Variants in CEP63 observed in about 807,000 individuals in gnomAD.
CEP63 encodes the protein centrosomal protein of 63 kDa.
Under a neutral mutation model 89.1 loss-of-function variants are expected in CEP63, and 84 were observed. The observed-to-expected ratio is 0.94, with a 90% CI of 0.79 to 1.13. The LOEUF is 1.13. CEP63 is among the 50% of genes most tolerant of loss of function. The pLI, the probability that CEP63 is intolerant of heterozygous loss-of-function variation, is 0.00. For missense variants in CEP63, 838 were observed against 813.3 expected, an observed-to-expected ratio of 1.03 and a Z score of -0.37; for synonymous variants, 267 against 272.5, an observed-to-expected ratio of 0.98 and a Z score of 0.20.
At chr3:134,548,997 G>T in intron 9 of CEP63, 65 bp from the exon 10 acceptor site, 1 of 925,278 alleles carries the variant, frequency 1.1e-6, no homozygotes, top group South Asian at 1.3e-5. Flanking sequence ...ATGTAAATTA[G>T]ATAGTCCAAT....
chr3:134,721,402 A>G, the CEP63 span, among the ~76,000 whole-genome samples: 6 of 152,062 alleles, frequency 3.9e-5, no homozygotes, highest in African/African-American at 1.4e-4. Flanking sequence ...TGTGTACAGG[A>G]TGATGTAATC....
the CEP63 span, among the ~76,000 whole-genome samples, chr3:134,717,816 A>G: frequency 4.6e-5 from 7 of 152,178 alleles, no homozygotes; most frequent in African/African-American, 1.7e-4. Context: ...ATGATCTAAG[A>G]TTTGACTCTC....
chr3:134,610,390 G>T, the CEP63 span: 1 of 1,608,748 alleles, frequency 6.2e-7, no homozygotes, highest in Non-Finnish European at 8.5e-7. Context: ...GAGCCTGGGG[G>T]CAGGACAGGG....
rs569515963 is a variant in CEP63 at position 134,506,350 on chromosome 3, A to G, written c.45-759A>G. Among the ~76,000 whole-genome samples, 6 of 152,284 alleles carry G rather than the reference A, an allele frequency of 3.9e-5. 1 individual carries two copies. Among genetic ancestry groups the G allele is most frequent in the African/African-American group, 1.4e-4 (6 of 41,562 alleles). On this transcript the variant is annotated intron_variant, in intron 2 of 14. Transcript: ENST00000675561. ...TGAATTTCTTGAAGCAGCTCTTACA[A>G]TTGTATTATCACTTTCCTGCATGAT...
rs113222165 is a variant in CEP63 at position 134,586,722 on chromosome 3, A to C, written c.1207-736A>C. On this transcript the variant is annotated intron_variant, in intron 10 of 10. Transcript: ENST00000683931. ...CTGTGGTGTTCTCTGTATTTCCTGA[A>C]TTTGAATGTTGGCCTGCCTTGCTAG... Among the ~76,000 whole-genome samples, 1,066 of 152,068 alleles carry C rather than the reference A, an allele frequency of 7.0e-3. 13 individuals carry two copies. The highest frequency in any genetic ancestry group is 0.025 in the African/African-American group (1,024 of 41,450).
chr3:134,519,705 T>A (rs1231729953), intron 3 of CEP63, among the ~76,000 whole-genome samples: 1 of 152,176 alleles, frequency 6.6e-6, no homozygotes, highest in Non-Finnish European at 1.5e-5. Flanking sequence ...GTCAAAATAT[T>A]AACAAACTAA....
chr3:134,675,240 T>C, the CEP63 span, among the ~76,000 whole-genome samples: 3 of 152,212 alleles, frequency 2.0e-5, no homozygotes, highest in Non-Finnish European at 4.4e-5. Context: ...CATACATCTA[T>C]GGTCAATTGA....
At chr3:134,548,363 G>T (rs1252819893) in intron 9 of CEP63, among the ~76,000 whole-genome samples, 4 of 152,208 alleles carry the variant, frequency 2.6e-5, no homozygotes, top group African/African-American at 9.6e-5. Flanking sequence ...TTGTTCTGCT[G>T]TGGTGTTGTT....
the CEP63 span, among the ~76,000 whole-genome samples, chr3:134,664,145 C>T: frequency 9.8e-3 from 1,498 of 152,304 alleles, 22 homozygotes; most frequent in Non-Finnish European, 0.011. Flanking sequence ...CAATTTACCG[C>T]CTGCTCTTTG....
intron 3 of CEP63, among the ~76,000 whole-genome samples, chr3:134,508,464 G>T (rs76077820): frequency 0.076 from 11,626 of 152,180 alleles, 594 homozygotes; most frequent in Non-Finnish European, 0.11. Flanking sequence ...TCCTTTTATG[G>T]TAGGCTACTT....
chr3:134,589,446 G>A (rs1958555029), downstream of CEP63, among the ~76,000 whole-genome samples: 1 of 151,988 alleles, frequency 6.6e-6, no homozygotes, highest in Non-Finnish European at 1.5e-5. Flanking sequence ...CTGAGATTGG[G>A]AACAAGAAAA....
intron 7 of CEP63, 25 bp downstream of exon 7, chr3:134,545,844 G>C (rs1469578802): frequency 6.5e-7 from 1 of 1,528,780 alleles, no homozygotes; most frequent in Non-Finnish European, 9.0e-7. Flanking sequence ...CACTATAATT[G>C]GGGGAAGTGT....
At chr3:134,724,616 A>G in the CEP63 span, among the ~76,000 whole-genome samples, 4 of 152,254 alleles carry the variant, frequency 2.6e-5, no homozygotes, top group Non-Finnish European at 5.9e-5. Flanking sequence ...GCTATTAGGC[A>G]TATAAAATCG....
intron 9 of CEP63, among the ~76,000 whole-genome samples, 156 bp downstream of exon 9, chr3:134,547,628 T>TTTTTTTTTTTTTTTTTTTTTTTCTGTG: frequency 8.2e-6 from 1 of 122,610 alleles, no homozygotes; most frequent in East Asian, 2.3e-4. Context: ...TTTTTTTTTT[T>TTTTTTTTTTTTTTTTTTTTTTTCTGTG]TGAGACGGAG....
At chr3:134,755,295 G>A in the CEP63 span, among the ~76,000 whole-genome samples, 9 of 152,180 alleles carry the variant, frequency 5.9e-5, no homozygotes, top group Non-Finnish European at 1.0e-4. Context: ...CCAGCCAGGA[G>A]AAGGGGCAGA....
the CEP63 span, among the ~76,000 whole-genome samples, chr3:134,723,317 C>G: frequency 6.6e-6 from 1 of 152,124 alleles, no homozygotes; most frequent in African/African-American, 2.4e-5. Flanking sequence ...AAGCCCTAAG[C>G]CTTAAGAGAT....
chr3:134,522,650 C>G (rs1312735183), intron 3 of CEP63, among the ~76,000 whole-genome samples: 2 of 151,998 alleles, frequency 1.3e-5, no homozygotes, highest in Non-Finnish European at 2.9e-5. Context: ...TATGTTGTTC[C>G]CCTCTATGTG....
chr3:134,565,729 A>C (rs1020438812), downstream of CEP63, among the ~76,000 whole-genome samples: 6 of 152,190 alleles, frequency 3.9e-5, no homozygotes, highest in African/African-American at 1.4e-4. Flanking sequence ...GAGGGGGAAA[A>C]GCAGAGGAGA....
At chr3:134,652,037 C>T in the CEP63 span, among the ~76,000 whole-genome samples, 1 of 152,176 alleles carries the variant, frequency 6.6e-6, no homozygotes, top group African/African-American at 2.4e-5. Flanking sequence ...CACCTTGTAG[C>T]ATGGTCCTGA....
Sources: gnomAD v4.1 joint callset for allele counts (sites outside exome capture counted in the v4.1 genomes callset) on GRCh38, gnomAD v4.1.1 for gene constraint, MANE v1.5 for transcripts, NCBI Gene and HGNC (gene_info 2026-07-23, HGNC 2026-07-21) for gene names.